Variants in TRRAP observed in about 807,000 individuals in gnomAD.
The protein encoded by TRRAP is transformation/transcription domain associated protein, also known as transformation/transcription domain-associated protein.
Under a neutral mutation model 438.8 loss-of-function variants are expected in TRRAP, and 41 were observed. The ratio of observed to expected loss-of-function variants is 0.09; its 90% CI spans 0.07 to 0.12. TRRAP has a LOEUF of 0.12. Ranked by LOEUF, TRRAP falls within the 10% of genes least tolerant of loss-of-function variation. The probability of loss-of-function intolerance (pLI) is 1.00; values close to 1 mark genes in which losing one functional copy is unlikely to be tolerated. For missense variants in TRRAP, 3,122 were observed against 5,055.1 expected (o/e 0.62, Z 11.60); for synonymous variants, 1,994 against 1,962.9 (o/e 1.02, Z -0.42).
intron 40 of TRRAP, among the ~76,000 whole-genome samples, chr7:98,953,752 G>T (rs79143030): frequency 2.0e-5 from 3 of 152,138 alleles, no homozygotes; most frequent in Non-Finnish European, 4.4e-5. Context: ...TGAAGGTGCC[G>T]AGCGCCACTG....
intron 52 of TRRAP, among the ~76,000 whole-genome samples, chr7:98,971,025 A>G (rs1792393394): frequency 6.6e-6 from 1 of 152,042 alleles, no homozygotes; most frequent in Non-Finnish European, 1.5e-5. Context: ...GCCTGTGTGG[A>G]GCGTTGCGTC....
chr7:98,961,954 G>A (rs930246327), intron 46 of TRRAP, among the ~76,000 whole-genome samples: 2 of 152,210 alleles, frequency 1.3e-5, no homozygotes, highest in Non-Finnish European at 2.9e-5. Context: ...CTCACTGAAT[G>A]TTGTCTGCTT....
chr7:98,882,031 G>T lies in TRRAP; in HGVS notation c.150+7G>T. 1 of 1,605,708 alleles carries T rather than the reference G, an allele frequency of 6.2e-7. No individual in the cohort carries two copies. Among genetic ancestry groups the T allele is most frequent in the East Asian group, 2.2e-5 (1 of 44,628 alleles). ...AGTTAGTGAAAATTTTGAGGTATGAGCATTATATTTTCTATTTTTCATTTT... is the reference window on the plus strand; with the variant it reads ...AGTTAGTGAAAATTTTGAGGTATGATCATTATATTTTCTATTTTTCATTTT... On this transcript the variant is annotated splice_region_variant and intron_variant, in intron 3 of 72. Coordinates refer to ENST00000456197, the MANE Select transcript of TRRAP (RefSeq NM_001375524.1).
At chr7:98,939,149 T>G (rs561988971) in intron 30 of TRRAP, among the ~76,000 whole-genome samples, 1 of 152,342 alleles carries the variant, frequency 6.6e-6, no homozygotes, top group South Asian at 2.1e-4. Context: ...ATGAATGTAT[T>G]TTTCATGCTT....
In TRRAP at chr7:98,897,627, T is replaced by C. The variant is rs1386844966; in HGVS notation, c.508-114T>C. 5 of 1,353,416 alleles carry C rather than the reference T, an allele frequency of 3.7e-6. No homozygotes were observed. The African/African-American group carries it at 7.3e-5, about 20-fold the overall frequency. 83.8% of individuals were successfully genotyped at this position (1,353,416 alleles called of 1,614,324 possible). On this transcript the variant is annotated intron_variant, in intron 7 of 72. Transcript: ENST00000456197. Reference sequence around the variant, plus strand: ...TGCAGCATAAAAATGTAGAACATACTGTTTTTTTCCACCAAAGAGTCAAGC... The same window carrying C: ...TGCAGCATAAAAATGTAGAACATACCGTTTTTTTCCACCAAAGAGTCAAGC...
chr7:98,912,177 C>T lies in TRRAP; in HGVS notation c.2163C>T (p.Val721=), dbSNP rs1554408889. 1 of 1,614,054 alleles carries T rather than the reference C, an allele frequency of 6.2e-7. No individual in the cohort carries two copies. Among genetic ancestry groups the T allele is most frequent in the Non-Finnish European group, 8.5e-7 (1 of 1,180,004 alleles). The change falls in exon 18 of 73, where the codon GTC becomes GTT. Residue 721 remains valine, a synonymous_variant. Coordinates refer to ENST00000456197, the MANE Select transcript of TRRAP (RefSeq NM_001375524.1). The stretch of plus-strand genomic sequence containing the variant: ...TGTTCAAGCTGGTCTTTGGCTCTGT[C>T]TCCCTCTTTGCAGCTGAAAATGAAC... ...LKLFKLVFGS[V]SLFAAENEQM... is the part of the protein sequence containing the mutation.
chr7:98,939,265 C>T lies in TRRAP; in HGVS notation c.4404+1445C>T, dbSNP rs559520906. Among the ~76,000 whole-genome samples, 34 of 152,200 alleles carry T rather than the reference C, an allele frequency of 2.2e-4. 1 individual carries two copies. Among genetic ancestry groups the T allele is most frequent in the Middle Eastern group, 3.4e-3 (1 of 294 alleles). The stretch of plus-strand genomic sequence containing the variant: ...AACTATAAACAGGAGTTTATATCTA[C>T]TGATGGACAGATAAGGTAGAGATTG... On this transcript the variant is annotated intron_variant, in intron 30 of 72. Transcript: ENST00000456197.
chr7:98,930,419 A>AT (rs1308882091), intron 24 of TRRAP, among the ~76,000 whole-genome samples: 21 of 152,204 alleles, frequency 1.4e-4, no homozygotes, highest in African/African-American at 5.1e-4. Flanking sequence ...TCTACTAAAA[A>AT]TAAAAAAAAT....
rs756765611 is a variant in TRRAP, at chr7:98,984,264, C to G, written c.9194C>G (p.Thr3065Ser). 1 of 1,613,064 alleles carries G rather than the reference C, an allele frequency of 6.2e-7. No homozygotes were observed. The highest frequency in any genetic ancestry group is 1.1e-5 in the South Asian group (1 of 90,728). Residue 3065 changes from threonine to serine, a missense_variant, in exon 61 of 73, where the codon ACT (threonine) becomes AGT (serine). Physicochemically the swap from Thr to Ser is moderately conservative, Grantham distance 58. Around this residue, in one of 24 missense-constraint regions of TRRAP, gnomAD observed 129 missense variants for 279.2 expected, o/e 0.46. Transcript: ENST00000456197. ...TTAAGTCGGATTCATACTATTCCAA[C>G]TGTTCCTATCGTGGATTGCTTCCAG... ...DILSRIHTIP[T>S]VPIVDCFQKI...
At chr7:98,940,709 CG>C (rs1284731767) in intron 30 of TRRAP, among the ~76,000 whole-genome samples, 2 of 152,210 alleles carry the variant, frequency 1.3e-5, no homozygotes, top group Non-Finnish European at 2.9e-5. Flanking sequence ...TGCATCCAGA[CG>C]TTTTCATCCA....
chr7:98,893,680 A>G, intron 5 of TRRAP, 118 bp from the exon 6 acceptor site: 6 of 905,272 alleles, frequency 6.6e-6, no homozygotes, highest in Non-Finnish European at 1.0e-5. Context: ...TGAGCTGATG[A>G]ATTTTCAGCA....
At chr7:98,921,629 G>T (rs186185545) in intron 20 of TRRAP, 124 bp from the exon 21 acceptor site, 389 of 1,301,226 alleles carry the variant, frequency 3.0e-4, no homozygotes, top group South Asian at 1.4e-3. Context: ...ACCCGCCTTA[G>T]CCTCCCAAAG....
chr7:98,975,388 C>T (rs942363829), intron 53 of TRRAP, among the ~76,000 whole-genome samples: 8 of 152,178 alleles, frequency 5.3e-5, no homozygotes, highest in Admixed American at 3.9e-4. Flanking sequence ...AGCCCTGTTG[C>T]GCCACTGCCT....
At chr7:98,937,098 A>G (rs1178562613) in intron 28 of TRRAP, 58 bp from the exon 29 acceptor site, 35 of 1,535,734 alleles carry the variant, frequency 2.3e-5, no homozygotes, top group South Asian at 7.4e-5. Flanking sequence ...CAGAGAAGAA[A>G]ATTATTTGGG....
At chr7:98,992,477 A>C (rs547400107) in intron 65 of TRRAP, among the ~76,000 whole-genome samples, 9 of 152,320 alleles carry the variant, frequency 5.9e-5, no homozygotes, top group African/African-American at 1.9e-4. Flanking sequence ...AAAATATGTG[A>C]AATTTTCAGC....
intron 19 of TRRAP, 31 bp from the exon 20 acceptor site, chr7:98,917,392 C>T (rs1399350337): frequency 6.2e-7 from 1 of 1,605,012 alleles, no homozygotes; most frequent in African/African-American, 1.3e-5. Context: ...GGAGCGTCTT[C>T]CCTCTCTGAT....
At chr7:98,967,929 G>A (rs1194811890) in intron 51 of TRRAP, among the ~76,000 whole-genome samples, 1 of 152,266 alleles carries the variant, frequency 6.6e-6, no homozygotes. Context: ...TATTTTTGTA[G>A]GTGAAGATTC....
chr7:99,003,691 C>T (rs1562981237), intron 67 of TRRAP, among the ~76,000 whole-genome samples: 1 of 152,172 alleles, frequency 6.6e-6, no homozygotes, highest in Non-Finnish European at 1.5e-5. Flanking sequence ...GGTGGGAGGT[C>T]CCTGACGGGG....
chr7:98,972,012 A>G (rs1198514969), intron 53 of TRRAP, 67 bp downstream of exon 53: 1 of 1,554,102 alleles, frequency 6.4e-7, no homozygotes. Flanking sequence ...CTAAATCAGG[A>G]TCATTCCACA....
Sources: gnomAD v4.1 joint callset for allele counts (sites outside exome capture counted in the v4.1 genomes callset) on GRCh38, gnomAD v4.1.1 for gene constraint, gnomAD v4.1.1 regional missense constraint, MANE v1.5 for transcripts, NCBI Gene and HGNC (gene_info 2026-07-23, HGNC 2026-07-21) for gene names.